NCALD: variants seen among roughly 807,000 people sequenced by gnomAD.
NCALD encodes neurocalcin delta.
NCALD carries 10 observed loss-of-function variants against 18.6 expected under a neutral mutation model. The ratio of observed to expected loss-of-function variants is 0.54; its 90% CI spans 0.33 to 0.91. The LOEUF (loss-of-function observed/expected upper bound fraction) is 0.91, where lower values mean the gene tolerates loss of function less well. Ranked by LOEUF, NCALD falls within the 40% of genes least tolerant of loss-of-function variation. The pLI is 0.03. For synonymous variants in NCALD, 88 were observed against 87.4 expected (o/e 1.01, Z -0.04); for missense variants, 184 against 247.6 (o/e 0.74, Z 1.72).
chr8:101,750,223 C>T (rs950327101), intron 1 of NCALD: 1 of 11,434 alleles, frequency 8.7e-5, no homozygotes, highest in Admixed American at 8.4e-4. Flanking sequence ...CCCACCGGGT[C>T]CCCCCCCCAT....
At chr8:102,047,285 T>A (rs969840610) in intron 1 of NCALD, among the ~76,000 whole-genome samples, 2 of 152,234 alleles carry the variant, frequency 1.3e-5, no homozygotes, top group Admixed American at 1.3e-4. Context: ...GAGTATTTTT[T>A]AAATGTTATA....
intron 1 of NCALD, among the ~76,000 whole-genome samples, chr8:101,755,302 G>T (rs963919421): frequency 6.6e-6 from 1 of 152,188 alleles, no homozygotes; most frequent in African/African-American, 2.4e-5. Flanking sequence ...TATTAGTAAT[G>T]TTCCTTTTTA....
chr8:102,030,878 A>AAAT (rs1822644404), intron 1 of NCALD, among the ~76,000 whole-genome samples: 1 of 149,422 alleles, frequency 6.7e-6, no homozygotes, highest in Non-Finnish European at 1.5e-5. Flanking sequence ...TCCATCACAA[A>AAAT]AAATAAATAA....
At chr8:101,723,100 C>T (rs1816432546) in intron 1 of NCALD, among the ~76,000 whole-genome samples, 1 of 152,108 alleles carries the variant, frequency 6.6e-6, no homozygotes, top group African/African-American at 2.4e-5. Context: ...GGCAGGATAA[C>T]ATTAGGGAAA....
intron 3 of NCALD, among the ~76,000 whole-genome samples, chr8:101,902,599 T>A (rs985538543): frequency 6.6e-6 from 1 of 152,214 alleles, no homozygotes; most frequent in Non-Finnish European, 1.5e-5. Flanking sequence ...GAACAAGCAG[T>A]GTTGCAGCAT....
chr8:101,788,446 A>T (rs574820531), intron 1 of NCALD, among the ~76,000 whole-genome samples: 25 of 152,342 alleles, frequency 1.6e-4, no homozygotes, highest in Admixed American at 1.5e-3. Flanking sequence ...TGTTGTAGAT[A>T]TCCTGAAATA....
intron 2 of NCALD, chr8:101,950,442 C>T (rs1185864004): frequency 6.6e-6 from 1 of 152,210 alleles, no homozygotes; most frequent in Non-Finnish European, 1.5e-5. Context: ...TGGATGTCTT[C>T]TTAAGAGACC....
intron 4 of NCALD, among the ~76,000 whole-genome samples, chr8:101,813,382 G>A (rs1023370877): frequency 6.6e-6 from 1 of 152,068 alleles, no homozygotes; most frequent in Non-Finnish European, 1.5e-5. Context: ...GCTAAGAAGA[G>A]TAAGGAGCAC....
chr8:101,785,286 G>A (rs1271264755), intron 1 of NCALD, among the ~76,000 whole-genome samples: 2 of 152,148 alleles, frequency 1.3e-5, no homozygotes, highest in African/African-American at 4.8e-5. Flanking sequence ...GGATGGTGGT[G>A]GCAGCACTAC....
At chr8:101,745,542 G>A (rs1810392368) in intron 1 of NCALD, among the ~76,000 whole-genome samples, 1 of 152,134 alleles carries the variant, frequency 6.6e-6, no homozygotes, top group African/African-American at 2.4e-5. Flanking sequence ...TTTATAGACA[G>A]GACTTGGTTA....
intron 4 of NCALD, among the ~76,000 whole-genome samples, chr8:101,841,535 A>G (rs1183633053): frequency 6.6e-6 from 1 of 152,192 alleles, no homozygotes; most frequent in Non-Finnish European, 1.5e-5. Context: ...GGTTGTGACA[A>G]TCAAAAACAT....
intron 2 of NCALD, among the ~76,000 whole-genome samples, chr8:101,925,680 T>C (rs1175910443): frequency 2.0e-5 from 3 of 152,172 alleles, no homozygotes; most frequent in African/African-American, 4.8e-5. Flanking sequence ...CTTTGAGTCA[T>C]TGAGCTAAAC....
intron 1 of NCALD, among the ~76,000 whole-genome samples, chr8:102,091,809 C>T (rs1824933512): frequency 6.6e-6 from 1 of 152,182 alleles, no homozygotes; most frequent in African/African-American, 2.4e-5. Context: ...CTTCTCTCTA[C>T]CCCAAACACA....
chr8:102,118,502 A>G (rs1475000933), intron 1 of NCALD, among the ~76,000 whole-genome samples: 4 of 152,236 alleles, frequency 2.6e-5, no homozygotes, highest in Non-Finnish European at 5.9e-5. Context: ...AGAATTAATC[A>G]ATACTTGAAT....
At chr8:101,827,673 A>T (rs1813996343) in intron 4 of NCALD, among the ~76,000 whole-genome samples, 3 of 152,226 alleles carry the variant, frequency 2.0e-5, no homozygotes, top group African/African-American at 4.8e-5. Flanking sequence ...TTATTACATC[A>T]GATAGAAACA....
chr8:101,945,992 G>A (rs926291504), intron 2 of NCALD, among the ~76,000 whole-genome samples: 2 of 152,060 alleles, frequency 1.3e-5, no homozygotes, highest in Admixed American at 1.3e-4. Flanking sequence ...CCATATTATC[G>A]CTTCCCTAGG....
intron 2 of NCALD, among the ~76,000 whole-genome samples, chr8:102,018,839 G>C (rs755736179): frequency 6.6e-6 from 1 of 152,000 alleles, no homozygotes; most frequent in Non-Finnish European, 1.5e-5. Context: ...CTTTGACCTT[G>C]TACTTCACAC....
At chr8:101,900,460 T>C in intron 3 of NCALD, among the ~76,000 whole-genome samples, 1 of 152,006 alleles carries the variant, frequency 6.6e-6, no homozygotes, top group East Asian at 1.9e-4. Flanking sequence ...AATTTGAGAC[T>C]TTCCTCTTTT....
chr8:101,788,466 C>T (rs1420954039), intron 1 of NCALD, among the ~76,000 whole-genome samples: 1 of 152,110 alleles, frequency 6.6e-6, no homozygotes, highest in Non-Finnish European at 1.5e-5. Context: ...ATCTTTTATG[C>T]TCACCATTAC....
Sources: gnomAD v4.1 joint callset for allele counts (sites outside exome capture counted in the v4.1 genomes callset) on GRCh38, gnomAD v4.1.1 for gene constraint, MANE v1.5 for transcripts, NCBI Gene and HGNC (gene_info 2026-07-23, HGNC 2026-07-21) for gene names.